Variants in PLCE1 observed in about 807,000 individuals in gnomAD.
PLCE1 encodes the protein 1-phosphatidylinositol 4,5-bisphosphate phosphodiesterase epsilon-1.
Under a neutral mutation model 242.8 loss-of-function variants are expected in PLCE1, and 119 were observed. The observed-to-expected ratio is 0.49, with a 90% CI of 0.42 to 0.57. The LOEUF (loss-of-function observed/expected upper bound fraction) is 0.57, where lower values mean the gene tolerates loss of function less well. Among genes scored for constraint, PLCE1 ranks in the 20% least tolerant of loss-of-function variants. PLCE1 has a pLI of 0.00. For synonymous variants in PLCE1, 945 were observed against 1,017.4 expected (o/e 0.93, Z 1.35); for missense variants, 2,441 against 2,788.8 (o/e 0.88, Z 2.81).
chr10:94,199,118 T>C (rs1163844370), intron 4 of PLCE1, among the ~76,000 whole-genome samples: 3 of 152,232 alleles, frequency 2.0e-5, no homozygotes, highest in East Asian at 1.9e-4. Context: ...GAGTAGCATG[T>C]CATTATATGA....
intron 32 of PLCE1, chr10:94,325,334 C>T (rs2053971266): frequency 2.3e-6 from 1 of 434,732 alleles, no homozygotes; most frequent in South Asian, 2.1e-5. Context: ...CGTGGTGGCG[C>T]ATGCCTGTAA....
chr10:94,160,356 T>C (rs2047569366), intron 3 of PLCE1, among the ~76,000 whole-genome samples: 2 of 152,236 alleles, frequency 1.3e-5, no homozygotes, highest in African/African-American at 2.4e-5. Flanking sequence ...GATTTGCATT[T>C]CTCTGATGGC....
In PLCE1 at chr10:94,148,489, T is replaced by C. The variant is rs530384934; in HGVS notation, c.1492+16030T>C. ...TCCATTCACACCTGGCCCTTATCACTCTTCCAAGGTGTATCGGCCACAATC... is the reference window on the plus strand; with the variant it reads ...TCCATTCACACCTGGCCCTTATCACCCTTCCAAGGTGTATCGGCCACAATC... On this transcript the variant is annotated intron_variant, in intron 3 of 32. Transcript: ENST00000371380. Among the ~76,000 whole-genome samples, 3 of 152,308 alleles carry C rather than the reference T, an allele frequency of 2.0e-5. No homozygotes were observed. In the East Asian group the frequency reaches 5.8e-4, roughly 30 times the overall value.
At chr10:94,003,125 C>T (rs58282081) in intron 1 of PLCE1, among the ~76,000 whole-genome samples, 2,361 of 152,188 alleles carry the variant, frequency 0.016, 26 homozygotes, top group African/African-American at 0.032. Flanking sequence ...TTATATTACC[C>T]ACAAATAATG....
Position 94,268,788 on chromosome 10 carries a change from A to G in PLCE1, c.4282-141A>G, listed in dbSNP as rs1386040709. ...AATTGTGGCCTTTGGCAAAAATGCCATGTTTGTTTTAGACCATTTGCCCTT... is the reference window on the plus strand; with the variant it reads ...AATTGTGGCCTTTGGCAAAAATGCCGTGTTTGTTTTAGACCATTTGCCCTT... On this transcript the variant is annotated intron_variant, in intron 16 of 32. Coordinates refer to ENST00000371380, the MANE Select transcript of PLCE1 (RefSeq NM_016341.4). 4 of 675,468 alleles carry G rather than the reference A, an allele frequency of 5.9e-6. No homozygotes were observed. In the East Asian group the frequency reaches 1.1e-4, roughly 19 times the overall value. The allele number at this position is 675,468 out of a possible 1,614,324, so 41.8% of individuals were successfully genotyped here. A position where few individuals can be genotyped will look rare whatever the true frequency, so the allele number is the denominator to read the frequency against.
intron 2 of PLCE1, among the ~76,000 whole-genome samples, chr10:94,034,216 G>A (rs1564637552): frequency 6.6e-6 from 1 of 152,134 alleles, no homozygotes; most frequent in Non-Finnish European, 1.5e-5. Flanking sequence ...ACCTGGCCCT[G>A]CCCTTGACAC....
At chr10:94,319,084 G>C (rs1157037228) in intron 29 of PLCE1, among the ~76,000 whole-genome samples, 1 of 152,014 alleles carries the variant, frequency 6.6e-6, no homozygotes, top group Non-Finnish European at 1.5e-5. Flanking sequence ...CAGGCAGTAG[G>C]GACCTCAGGA....
At position 94,328,344 on chromosome 10, in the gene PLCE1, G is replaced by C. The variant is rs1012747218; in HGVS notation, c.*401G>C. 4.4e-5 allele frequency: 7 copies of C among 160,886 alleles called. No homozygotes were observed. Among genetic ancestry groups the C allele is most frequent in the African/African-American group, 1.7e-4 (7 of 41,656 alleles). 10.0% of individuals were successfully genotyped at this position (160,886 alleles called of 1,614,324 possible). A position where few individuals can be genotyped will look rare whatever the true frequency, so the allele number is the denominator to read the frequency against. The stretch of plus-strand genomic sequence containing the variant: ...AAGCAGCCATAGACAACACATACAT[G>C]AACGAACGTGGCTGTATTCCAATAA... On this transcript the variant is annotated 3_prime_UTR_variant, in exon 33 of 33. Transcript: ENST00000371380.
At chr10:94,089,307 G>A (rs763940007) in intron 2 of PLCE1, 14 of 1,613,906 alleles carry the variant, frequency 8.7e-6, no homozygotes, top group Admixed American at 3.3e-5. Context: ...GGCTCTTCCC[G>A]CTCTCTGAGG....
intron 2 of PLCE1, among the ~76,000 whole-genome samples, chr10:94,058,989 C>A (rs926401348): frequency 2.0e-5 from 3 of 152,092 alleles, no homozygotes; most frequent in Admixed American, 2.0e-4. Flanking sequence ...TACCTATGGG[C>A]ATATAGTTTG....
At chr10:94,135,651 A>G (rs1363715616) in intron 3 of PLCE1, among the ~76,000 whole-genome samples, 1 of 152,246 alleles carries the variant, frequency 6.6e-6, no homozygotes, top group East Asian at 1.9e-4. Flanking sequence ...TGTAACCCAT[A>G]ACACAGTTGT....
intron 13 of PLCE1, among the ~76,000 whole-genome samples, chr10:94,261,310 G>A (rs925090834): frequency 3.9e-5 from 6 of 152,068 alleles, no homozygotes; most frequent in South Asian, 2.1e-4. Context: ...TCCTTCCTCC[G>A]TGGCTTTTTG....
chr10:94,141,407 C>T (rs938652657), intron 3 of PLCE1, among the ~76,000 whole-genome samples: 1 of 151,590 alleles, frequency 6.6e-6, no homozygotes, highest in African/African-American at 2.4e-5. Flanking sequence ...ATGAAAGGAA[C>T]AAATTATGGC....
At chr10:94,140,615 C>G (rs1195596889) in intron 3 of PLCE1, among the ~76,000 whole-genome samples, 1 of 152,172 alleles carries the variant, frequency 6.6e-6, no homozygotes, top group Non-Finnish European at 1.5e-5. Context: ...AAGTTAATAG[C>G]TTTGAATAAA....
Position 94,306,504 on chromosome 10 carries a change from T to C in PLCE1, c.5700T>C (p.Pro1900=). 1 of 1,614,156 alleles carries C rather than the reference T, an allele frequency of 6.2e-7. No individual in the cohort carries two copies. The highest frequency in any genetic ancestry group is 2.2e-5 in the East Asian group (1 of 44,874). ...PCIEVDVLGM[P]LDSCHFRTKP... The stretch of plus-strand genomic sequence containing the variant: ...TTGAAGTCGACGTCCTGGGCATGCC[T>C]CTGGACAGCTGCCATTTCCGCACAA... Residue 1900 remains proline (P), a synonymous_variant, in exon 26 of 33, where the codon CCT becomes CCC. Transcript: ENST00000371380. This position sits in a 1 kb window ranked among gnomAD's most constrained non-coding sequence, Gnocchi z 5.7.
At chr10:94,238,192 A>G (rs2050385456) in intron 7 of PLCE1, among the ~76,000 whole-genome samples, 1 of 152,210 alleles carries the variant, frequency 6.6e-6, no homozygotes, top group Non-Finnish European at 1.5e-5. Flanking sequence ...AGGCCAAGGC[A>G]GGTAGATCAC....
chr10:94,103,476 C>T (rs186696616), intron 2 of PLCE1, among the ~76,000 whole-genome samples: 5 of 152,256 alleles, frequency 3.3e-5, no homozygotes, highest in East Asian at 3.9e-4. Flanking sequence ...AAAAAAAGCA[C>T]GCAAAAGACC....
intron 4 of PLCE1, among the ~76,000 whole-genome samples, chr10:94,224,884 G>T (rs146079883): frequency 3.3e-5 from 5 of 152,326 alleles, no homozygotes; most frequent in African/African-American, 1.2e-4. Context: ...GCAGGAGACG[G>T]GTCAGCACTA....
chr10:94,180,292 A>G (rs1390244415), intron 4 of PLCE1, among the ~76,000 whole-genome samples: 1 of 152,190 alleles, frequency 6.6e-6, no homozygotes, highest in Non-Finnish European at 1.5e-5. Flanking sequence ...ATTTTAACCT[A>G]TGTGCTGACT....
Sources: allele counts gnomAD v4.1 joint callset (sites outside exome capture counted in the v4.1 genomes callset), GRCh38; gene constraint gnomAD v4.1.1; non-coding constraint Gnocchi (gnomAD v3.1); transcripts MANE v1.5; gene names NCBI Gene and HGNC (gene_info 2026-07-23, HGNC 2026-07-21).